Variants in CABLES1 observed in about 807,000 individuals in gnomAD.
The protein encoded by CABLES1 is Cdk5 and Abl enzyme substrate 1.
In CABLES1, 36 loss-of-function variants were observed where a neutral mutation model predicts 57.8. The observed-to-expected ratio is 0.62, with a 90% CI of 0.48 to 0.82. The LOEUF (loss-of-function observed/expected upper bound fraction) is 0.82, where lower values mean the gene tolerates loss of function less well. CABLES1 is among the 40% of genes least tolerant of loss of function. The pLI is 0.00. For synonymous variants in CABLES1, 374 were observed against 363.0 expected, an observed-to-expected ratio of 1.03 and a Z score of -0.35; for missense variants, 767 against 836.6, an observed-to-expected ratio of 0.92 and a Z score of 1.03.
chr18:23,157,223 C>G (rs1254904630), intron 1 of CABLES1, among the ~76,000 whole-genome samples: 1 of 152,114 alleles, frequency 6.6e-6, no homozygotes, highest in Non-Finnish European at 1.5e-5. Context: ...AACCCCATCT[C>G]TGTTTTATTT....
chr18:23,156,336 G>A (rs1274838285), intron 1 of CABLES1, among the ~76,000 whole-genome samples: 1 of 152,206 alleles, frequency 6.6e-6, no homozygotes, highest in Non-Finnish European at 1.5e-5. Context: ...TGTTCTCTGG[G>A]TTGATGCTGG....
intron 1 of CABLES1, among the ~76,000 whole-genome samples, chr18:23,147,203 C>T (rs974252440): frequency 2.0e-5 from 3 of 152,232 alleles, no homozygotes; most frequent in Admixed American, 1.3e-4. Flanking sequence ...GGAGTAAGCT[C>T]CTTCTTCTTC....
intron 9 of CABLES1, among the ~76,000 whole-genome samples, chr18:23,255,405 G>T (rs1318498550): frequency 6.6e-6 from 1 of 152,158 alleles, no homozygotes; most frequent in African/African-American, 2.4e-5. Context: ...CAATTGAAAA[G>T]AGTATTTTTT....
chr18:23,197,465 T>G (rs1160677150), intron 3 of CABLES1: 1 of 152,284 alleles, frequency 6.6e-6, no homozygotes, highest in East Asian at 1.9e-4. Flanking sequence ...CATTGGGACC[T>G]TCTAGAGGGC....
intron 7 of CABLES1, among the ~76,000 whole-genome samples, chr18:23,248,853 A>G (rs1243918829): frequency 6.6e-6 from 1 of 152,230 alleles, no homozygotes; most frequent in Non-Finnish European, 1.5e-5. Flanking sequence ...AAGGTATCTA[A>G]TAAACACCTT....
rs1290687298 is a variant in CABLES1, at chr18:23,257,455, C to G, written c.*88C>G. 7.3e-7 allele frequency: 1 copy of G among 1,376,716 alleles called. No individual in the cohort carries two copies. The highest frequency in any genetic ancestry group is 9.8e-7 in the Non-Finnish European group (1 of 1,022,982). The allele number at this position is 1,376,716 out of a possible 1,614,324, so 85.3% of individuals were successfully genotyped here. A position where few individuals can be genotyped will look rare whatever the true frequency, so the allele number is the denominator to read the frequency against. ...CTACTGGAAATGAAAAAAAGTAGAA[C>G]TCAGAATACCAGACTTTTCTTCCTC... On this transcript the variant is annotated 3_prime_UTR_variant, in exon 10 of 10. Coordinates refer to ENST00000256925, the MANE Select transcript of CABLES1 (RefSeq NM_001100619.3).
chr18:23,197,735 C>T (rs776761263), intron 3 of CABLES1: 4 of 152,126 alleles, frequency 2.6e-5, no homozygotes, highest in Non-Finnish European at 5.9e-5. Flanking sequence ...TCTGCCTTAA[C>T]AGAGAAGGCA....
At chr18:23,254,536 A>G (rs1431497272) in intron 9 of CABLES1, among the ~76,000 whole-genome samples, 1 of 152,240 alleles carries the variant, frequency 6.6e-6, no homozygotes, top group East Asian at 1.9e-4. Context: ...ACAGTTCCCA[A>G]GAGGAGTAGT....
intron 1 of CABLES1, among the ~76,000 whole-genome samples, chr18:23,174,823 T>TAG (rs1375337827): frequency 1.8e-4 from 4 of 22,056 alleles, no homozygotes; most frequent in Non-Finnish European, 3.6e-4. Flanking sequence ...TGTTACACCA[T>TAG]ATATATATAT....
chr18:23,217,903 AC>A (rs1898501213), intron 4 of CABLES1, among the ~76,000 whole-genome samples: 1 of 152,192 alleles, frequency 6.6e-6, no homozygotes, highest in Admixed American at 6.5e-5. Flanking sequence ...AAGCTCACCC[AC>A]AGCCCCACAC....
chr18:23,245,015 T>C (rs2047839344), intron 7 of CABLES1, among the ~76,000 whole-genome samples: 1 of 152,228 alleles, frequency 6.6e-6, no homozygotes, highest in Admixed American at 6.5e-5. Flanking sequence ...CAACAACCTG[T>C]CTGCTCTGAG....
chr18:23,178,526 C>A (rs538099225), intron 1 of CABLES1, among the ~76,000 whole-genome samples: 1 of 152,234 alleles, frequency 6.6e-6, no homozygotes, highest in South Asian at 2.1e-4. Flanking sequence ...TCTGACCTTC[C>A]CTCTAGACCC....
chr18:23,188,950 C>T, intron 2 of CABLES1, 41 bp downstream of exon 2: 1 of 1,352,994 alleles, frequency 7.4e-7, no homozygotes, highest in Non-Finnish European at 1.0e-6. Flanking sequence ...AACAGTACAC[C>T]ATGACAGCCA....
rs75898827 is a variant in CABLES1, at chr18:23,256,994, A to G, written c.1762-233A>G. On this transcript the variant is annotated intron_variant, in intron 9 of 9. Transcript: ENST00000256925. ...ATTCCTGAGAGGATTAAATGATGTC[A>G]TAAGATGTATGTGTGGTTCCGGGCA... Among the ~76,000 whole-genome samples the G allele has an allele frequency of 8.1e-4, 123 of 152,310 alleles. 2 individuals are homozygous for G. The East Asian group carries it at 0.022, about 28-fold the overall frequency.
chr18:23,236,188 C>A (rs1190999608), intron 6 of CABLES1, 137 bp downstream of exon 6: 8 of 930,562 alleles, frequency 8.6e-6, no homozygotes, highest in Non-Finnish European at 1.3e-5. Context: ...AAAGCCTGAT[C>A]TCAAGCCATG....
chr18:23,236,353 A>G (rs576671990), intron 6 of CABLES1, among the ~76,000 whole-genome samples: 4 of 151,826 alleles, frequency 2.6e-5, no homozygotes, highest in Admixed American at 6.6e-5. Context: ...TCCCCCCAAC[A>G]ATGACCTGGT....
chr18:23,205,023 G>A (rs78575713), intron 3 of CABLES1, among the ~76,000 whole-genome samples: 153 of 152,244 alleles, frequency 1.0e-3, no homozygotes, highest in African/African-American at 3.6e-3. Context: ...GGAGACATCA[G>A]TCCTTGGTCT....
intron 4 of CABLES1, among the ~76,000 whole-genome samples, chr18:23,224,778 C>T (rs2047515864): frequency 6.6e-6 from 1 of 151,972 alleles, no homozygotes; most frequent in African/African-American, 2.4e-5. Flanking sequence ...ACCATGCTAG[C>T]CAGGATGGTC....
chr18:23,203,352 C>T (rs930061695), intron 3 of CABLES1, among the ~76,000 whole-genome samples: 4 of 151,834 alleles, frequency 2.6e-5, no homozygotes, highest in Non-Finnish European at 5.9e-5. Flanking sequence ...GCTATCTCCT[C>T]CCTTGGGAGG....
Sources: allele counts gnomAD v4.1 joint callset (sites outside exome capture counted in the v4.1 genomes callset), GRCh38; gene constraint gnomAD v4.1.1; transcripts MANE v1.5; gene names NCBI Gene and HGNC (gene_info 2026-07-23, HGNC 2026-07-21).